Variants in RNF43 observed in about 807,000 individuals in gnomAD.
RNF43 encodes E3 ubiquitin-protein ligase RNF43.
RNF43 carries 37 observed loss-of-function variants against 78.4 expected under a neutral mutation model. The ratio of observed to expected loss-of-function variants is 0.47; its 90% CI spans 0.36 to 0.62. The LOEUF is 0.62. Among genes scored for constraint, RNF43 ranks in the 20% least tolerant of loss-of-function variants. The probability of loss-of-function intolerance (pLI) is 0.00; values close to 1 mark genes in which losing one functional copy is unlikely to be tolerated. For synonymous variants in RNF43, 347 were observed against 395.0 expected (o/e 0.88, Z 1.44); for missense variants, 774 against 1,007.9 (o/e 0.77, Z 3.14).
At chr17:58,402,545 G>A (rs936100543) in intron 2 of RNF43, 1 of 152,144 alleles carries the variant, frequency 6.6e-6, no homozygotes, top group Non-Finnish European at 1.5e-5. Context: ...ATTCAGAGAA[G>A]GATATTTAAG....
rs1039720654 is a variant in RNF43, at chr17:58,357,919, G to A, written c.1857C>T (p.Leu619=). The A allele has an allele frequency of 6.2e-7, 1 of 1,613,616 alleles. No homozygotes were observed. The highest frequency in any genetic ancestry group is 8.5e-7 in the Non-Finnish European group (1 of 1,179,788). Residue 619 remains leucine, a synonymous_variant, in exon 9 of 10, where the codon CTC becomes CTT. Transcript: ENST00000407977. This position sits in a 1 kb window ranked among gnomAD's most constrained non-coding sequence, Gnocchi z 4.5. The stretch of plus-strand genomic sequence containing the variant: ...CAACTGGGCCAGGGGCTGGCTCAGG[G>A]AGGGCCCTGGGGCACTGTGGGTTAG... The part of the protein sequence containing the change: ...RLSNPQCPRA[L]PEPAPGPVDA...
Position 58,362,653 on chromosome 17 carries a change from G to A in RNF43, c.583-5C>T. 6.2e-7 allele frequency: 1 copy of A among 1,604,456 alleles called. No individual in the cohort carries two copies. Among genetic ancestry groups the A allele is most frequent in the African/African-American group, 1.3e-5 (1 of 74,536 alleles). On this transcript the variant is annotated splice_polypyrimidine_tract_variant and splice_region_variant and intron_variant, in intron 5 of 9. Coordinates refer to ENST00000407977, the MANE Select transcript of RNF43 (RefSeq NM_017763.6). ...GATCCACACATCATAATCTGGCTGGGGAGTGAGCAGAGAGGGAAAGGGTCA... is the reference window on the plus strand; with the variant it reads ...GATCCACACATCATAATCTGGCTGGAGAGTGAGCAGAGAGGGAAAGGGTCA...
At chr17:58,368,130 C>T (rs908407233) in intron 3 of RNF43, among the ~76,000 whole-genome samples, 1 of 152,198 alleles carries the variant, frequency 6.6e-6, no homozygotes, top group Non-Finnish European at 1.5e-5. Flanking sequence ...GGTGACAACA[C>T]CATTGACACC....
chr17:58,369,075 A>G (rs904063736), intron 3 of RNF43, among the ~76,000 whole-genome samples: 7 of 151,824 alleles, frequency 4.6e-5, no homozygotes, highest in Non-Finnish European at 8.8e-5. Context: ...TCATACACAC[A>G]CACACACACA....
intron 2 of RNF43, among the ~76,000 whole-genome samples, chr17:58,407,193 C>CTCA (rs1282828602): frequency 6.6e-6 from 1 of 151,372 alleles, no homozygotes; most frequent in Non-Finnish European, 1.5e-5. Context: ...ATTCTCCTGC[C>CTCA]TCAGCCTCCT....
chr17:58,387,547 A>G (rs978795834), intron 2 of RNF43, among the ~76,000 whole-genome samples: 4 of 151,984 alleles, frequency 2.6e-5, no homozygotes, highest in African/African-American at 9.7e-5. Flanking sequence ...GGTACTCAAG[A>G]GGCTGAGGCA....
chr17:58,415,495 G>A lies in RNF43; in HGVS notation c.83C>T (p.Thr28Ile), dbSNP rs2143696763. The change falls in exon 2 of 10, where the codon ACA (threonine) becomes ATA (isoleucine). Residue 28 changes from threonine to isoleucine, a missense_variant. Coordinates refer to ENST00000407977, the MANE Select transcript of RNF43 (RefSeq NM_017763.6). The stretch of plus-strand genomic sequence containing the variant: ...CACCGCTGCTGCCAGTACCAGTCCT[G>A]TGCGTCCAAAGCCTGCCTGCAGGGT... ...MATLQAGFGR[T>I]GLVLAAAVES... is the part of the protein sequence containing the mutation. 6.2e-7 allele frequency: 1 copy of A among 1,613,386 alleles called. No homozygotes were observed. The highest frequency in any genetic ancestry group is 8.5e-7 in the Non-Finnish European group (1 of 1,180,024).
At chr17:58,387,990 C>G (rs933592499) in intron 2 of RNF43, among the ~76,000 whole-genome samples, 3 of 151,708 alleles carry the variant, frequency 2.0e-5, no homozygotes, top group Non-Finnish European at 4.4e-5. Context: ...CACACACACC[C>G]CCTCCATAAA....
chr17:58,406,901 G>C (rs1973920067), intron 2 of RNF43, among the ~76,000 whole-genome samples: 2 of 151,340 alleles, frequency 1.3e-5, no homozygotes, highest in African/African-American at 4.9e-5. Flanking sequence ...TGATATACTA[G>C]CACGCACAAA....
Position 58,360,753 on chromosome 17 carries a change from C to G in RNF43, c.849+30G>C, listed in dbSNP as rs1972817986. 6.3e-7 allele frequency: 1 copy of G among 1,589,248 alleles called. No homozygotes were observed. Among genetic ancestry groups the G allele is most frequent in the African/African-American group, 1.3e-5 (1 of 74,492 alleles). ...CCAGCTTCAATCTCCCCAGTCTGGT[C>G]ATGGAGGTGAACCACAAGACCTGCC... On this transcript the variant is annotated intron_variant, in intron 7 of 9. Coordinates refer to ENST00000407977, the MANE Select transcript of RNF43 (RefSeq NM_017763.6). This position sits in a 1 kb window ranked among gnomAD's most constrained non-coding sequence, Gnocchi z 4.3.
At chr17:58,394,032 G>A (rs1171950078) in intron 2 of RNF43, among the ~76,000 whole-genome samples, 1 of 152,194 alleles carries the variant, frequency 6.6e-6, no homozygotes, top group Non-Finnish European at 1.5e-5. Flanking sequence ...CTCCAGCCTG[G>A]GCAACAGAGC....
In RNF43 at chr17:58,360,513, C is replaced by A. The variant is rs1972812692; in HGVS notation, c.850-262G>T. ...AAAAAATGAATCTAACCCCACCCTT[C>A]ATTGCCATGGGTCTAAAATGAGATA... On this transcript the variant is annotated intron_variant, in intron 7 of 9. Transcript: ENST00000407977. The surrounding 1 kb of genome is among the most constrained non-coding windows in gnomAD (Gnocchi z 4.3). 6.6e-6 allele frequency among the ~76,000 whole-genome samples: 1 copy of A among 152,220 alleles called. No homozygotes were observed. Among genetic ancestry groups the A allele is most frequent in the Non-Finnish European group, 1.5e-5 (1 of 68,034 alleles).
At chr17:58,364,667 A>AT (rs1972911417) in intron 3 of RNF43, among the ~76,000 whole-genome samples, 3 of 152,078 alleles carry the variant, frequency 2.0e-5, no homozygotes, top group African/African-American at 7.2e-5. Flanking sequence ...TCAGGCTGTG[A>AT]TTTTACATCC....
intron 3 of RNF43, among the ~76,000 whole-genome samples, chr17:58,368,367 G>A (rs1433611482): frequency 6.6e-6 from 1 of 152,158 alleles, no homozygotes; most frequent in African/African-American, 2.4e-5. Context: ...GGCCAACATG[G>A]TGAAACCCTG....
At position 58,358,956 on chromosome 17, in the gene RNF43, C is replaced by T. The variant is rs968052348; in HGVS notation, c.953-133G>A. The T allele has an allele frequency of 1.2e-5, 12 of 967,384 alleles. No individual in the cohort carries two copies. Among genetic ancestry groups the T allele is most frequent in the South Asian group, 1.9e-5 (1 of 52,146 alleles). The allele number at this position is 967,384 out of a possible 1,614,324, so 59.9% of individuals were successfully genotyped here. A position where few individuals can be genotyped will look rare whatever the true frequency, so the allele number is the denominator to read the frequency against. On this transcript the variant is annotated intron_variant, in intron 8 of 9. Transcript: ENST00000407977. This position sits in a 1 kb window ranked among gnomAD's most constrained non-coding sequence, Gnocchi z 6.2. The stretch of plus-strand genomic sequence containing the variant: ...AGCTCAGAGTTTGGGGGATCAAGGA[C>T]GTGCCTAAGCTGCCTGTGCTCTGGG...
intron 2 of RNF43, among the ~76,000 whole-genome samples, chr17:58,383,077 C>T (rs543323321): frequency 3.4e-4 from 52 of 152,332 alleles, no homozygotes; most frequent in Non-Finnish European, 5.7e-4. Flanking sequence ...CTGCAGTGAA[C>T]TTCAGTCCCT....
chr17:58,363,224 G>T (rs2143465319), intron 5 of RNF43, 51 bp downstream of exon 5: 1 of 1,602,768 alleles, frequency 6.2e-7, no homozygotes, highest in South Asian at 1.1e-5. Flanking sequence ...GTTGCCACAG[G>T]ACAAAGTAGG....
intron 2 of RNF43, among the ~76,000 whole-genome samples, chr17:58,396,122 A>G (rs965297949): frequency 2.6e-5 from 4 of 152,182 alleles, no homozygotes; most frequent in Admixed American, 6.5e-5. Context: ...CCAGTATAGC[A>G]TATGACATAG....
At chr17:58,389,184 C>A (rs1357670511) in intron 2 of RNF43, among the ~76,000 whole-genome samples, 10 of 151,972 alleles carry the variant, frequency 6.6e-5, no homozygotes, top group African/African-American at 2.4e-4. Context: ...AGAGCTTGAA[C>A]TCTGGTAGTA....
Sources: gnomAD v4.1 joint callset for allele counts (sites outside exome capture counted in the v4.1 genomes callset) on GRCh38, gnomAD v4.1.1 for gene constraint, Gnocchi (gnomAD v3.1) non-coding constraint, MANE v1.5 for transcripts, NCBI Gene and HGNC (gene_info 2026-07-23, HGNC 2026-07-21) for gene names.